MYCT1: variants seen among roughly 807,000 people sequenced by gnomAD.
The protein encoded by MYCT1 is MYC target 1, also known as myc target protein 1.
MYCT1 carries 12 observed loss-of-function variants against 15.0 expected under a neutral mutation model. That is an observed-to-expected ratio of 0.80 (90% CI 0.51 to 1.29). The LOEUF (loss-of-function observed/expected upper bound fraction) is 1.29. Among genes scored for constraint, MYCT1 ranks in the 50% most tolerant of loss-of-function variants. MYCT1 has a pLI of 0.00. For missense variants in MYCT1, 287 were observed against 279.1 expected, an observed-to-expected ratio of 1.03 and a Z score of -0.20; for synonymous variants, 104 against 102.7, an observed-to-expected ratio of 1.01 and a Z score of -0.07.
At chr6:152,715,440 CA>C (rs139370521) in intron 1 of MYCT1, among the ~76,000 whole-genome samples, 35,975 of 152,020 alleles carry the variant, frequency 0.24, 4,676 homozygotes, top group South Asian at 0.36. Context: ...CTACCATTCA[CA>C]AAAAGGCATC....
intron 1 of MYCT1, among the ~76,000 whole-genome samples, 155 bp downstream of exon 1, chr6:152,698,253 C>T (rs906509079): frequency 1.5e-4 from 22 of 151,014 alleles, no homozygotes; most frequent in Non-Finnish European, 2.5e-4. Context: ...CTATTTCATA[C>T]GTTTATTAGC....
intron 1 of MYCT1, among the ~76,000 whole-genome samples, chr6:152,716,112 G>A (rs945988712): frequency 3.9e-5 from 6 of 152,192 alleles, no homozygotes; most frequent in African/African-American, 1.4e-4. Flanking sequence ...ATGTGGGAAT[G>A]TGGCCACTTG....
chr6:152,741,684 GT>G, the MYCT1 span, among the ~76,000 whole-genome samples: 2 of 152,102 alleles, frequency 1.3e-5, no homozygotes, highest in Non-Finnish European at 2.9e-5. Context: ...TCCCTTTTCT[GT>G]TGTGAAGTTA....
intron 1 of MYCT1, among the ~76,000 whole-genome samples, chr6:152,708,263 A>C (rs547498822): frequency 2.3e-4 from 35 of 152,226 alleles, no homozygotes; most frequent in Non-Finnish European, 4.6e-4. Flanking sequence ...TGGTGTAATT[A>C]TACTTTCCAG....
At chr6:152,719,297 C>T (rs2099724281) in intron 1 of MYCT1, among the ~76,000 whole-genome samples, 2 of 152,150 alleles carry the variant, frequency 1.3e-5, no homozygotes, top group Non-Finnish European at 2.9e-5. Context: ...GGTATTGAAT[C>T]GACCAATTTT....
At chr6:152,700,158 T>C (rs1287157232) in intron 1 of MYCT1, among the ~76,000 whole-genome samples, 1 of 152,160 alleles carries the variant, frequency 6.6e-6, no homozygotes, top group Non-Finnish European at 1.5e-5. Context: ...TCCTGAAATA[T>C]AAATGTCAAT....
At chr6:152,742,543 G>T in the MYCT1 span, among the ~76,000 whole-genome samples, 2 of 152,150 alleles carry the variant, frequency 1.3e-5, no homozygotes, top group Non-Finnish European at 2.9e-5. Context: ...ACAAGGGAAT[G>T]ATATGATCAA....
chr6:152,739,995 A>C, the MYCT1 span, among the ~76,000 whole-genome samples: 3 of 152,088 alleles, frequency 2.0e-5, no homozygotes, highest in Non-Finnish European at 2.9e-5. Flanking sequence ...AAAAATAAAA[A>C]TACAGACTCC....
chr6:152,713,131 A>G (rs1191664394), intron 1 of MYCT1, among the ~76,000 whole-genome samples: 1 of 151,988 alleles, frequency 6.6e-6, no homozygotes, highest in Non-Finnish European at 1.5e-5. Flanking sequence ...GATAAGTTCT[A>G]TTAATACACC....
At chr6:152,740,793 G>A in the MYCT1 span, among the ~76,000 whole-genome samples, 8 of 151,938 alleles carry the variant, frequency 5.3e-5, no homozygotes, top group Non-Finnish European at 8.8e-5. Flanking sequence ...AATTTACAGC[G>A]TATTTAGTTA....
chr6:152,706,269 C>T (rs2099722229), intron 1 of MYCT1: 1 of 648,570 alleles, frequency 1.5e-6, no homozygotes, highest in Non-Finnish European at 2.9e-6. Context: ...CTGTAACCAT[C>T]AGTTACTGGT....
At chr6:152,717,647 G>A (rs1207097542) in intron 1 of MYCT1, among the ~76,000 whole-genome samples, 1 of 152,056 alleles carries the variant, frequency 6.6e-6, no homozygotes, top group Non-Finnish European at 1.5e-5. Context: ...CACCAGGATT[G>A]TGAGGCCTCC....
intron 1 of MYCT1, 43 bp from the exon 2 acceptor site, chr6:152,721,699 C>T: frequency 6.4e-7 from 1 of 1,562,758 alleles, no homozygotes; most frequent in Non-Finnish European, 8.7e-7. Context: ...TAGTTGAAAA[C>T]CTATTTAAAA....
intron 1 of MYCT1, among the ~76,000 whole-genome samples, chr6:152,706,332 G>T (rs1189135236): frequency 6.6e-6 from 1 of 152,146 alleles, no homozygotes; most frequent in African/African-American, 2.4e-5. Context: ...CATGCCTACA[G>T]ATAATTTATT....
the MYCT1 span, among the ~76,000 whole-genome samples, chr6:152,741,978 A>G: frequency 6.6e-6 from 1 of 152,220 alleles, no homozygotes; most frequent in African/African-American, 2.4e-5. Context: ...CTAAAACAAT[A>G]AAAGTTTTTT....
the MYCT1 span, among the ~76,000 whole-genome samples, chr6:152,740,199 C>A: frequency 1.3e-5 from 2 of 152,054 alleles, no homozygotes; most frequent in South Asian, 2.1e-4. Flanking sequence ...TACAAGCATG[C>A]GCCACCATGC....
chr6:152,713,293 T>G (rs757430413), intron 1 of MYCT1, among the ~76,000 whole-genome samples: 18 of 152,130 alleles, frequency 1.2e-4, no homozygotes, highest in Non-Finnish European at 2.4e-4. Flanking sequence ...TATCATTTTA[T>G]TCATTGTGAG....
chr6:152,746,850 T>C, the MYCT1 span, among the ~76,000 whole-genome samples: 2 of 152,226 alleles, frequency 1.3e-5, no homozygotes, highest in Non-Finnish European at 2.9e-5. Flanking sequence ...AGGAATAATT[T>C]TCTCTAAACT....
At chr6:152,717,922 A>G (rs964577268) in intron 1 of MYCT1, among the ~76,000 whole-genome samples, 2 of 152,180 alleles carry the variant, frequency 1.3e-5, no homozygotes, top group Non-Finnish European at 2.9e-5. Flanking sequence ...ATATTCATTC[A>G]AAATTTAAAT....
Sources: allele counts gnomAD v4.1 joint callset (sites outside exome capture counted in the v4.1 genomes callset), GRCh38; gene constraint gnomAD v4.1.1; transcripts MANE v1.5; gene names NCBI Gene and HGNC (gene_info 2026-07-23, HGNC 2026-07-21).